The following SPOCK1 variants were observed in gnomAD, a reference collection of about 807,000 sequenced individuals.
SPOCK1 encodes the protein SPARC (osteonectin), cwcv and kazal like domains proteoglycan 1.
A neutral mutation model predicts 55.3 loss-of-function variants in SPOCK1; 23 were observed. That is an observed-to-expected ratio of 0.42 (90% CI 0.30 to 0.59). The LOEUF (loss-of-function observed/expected upper bound fraction) is 0.59, where lower values mean the gene tolerates loss of function less well. SPOCK1 is among the 20% of genes least tolerant of loss of function. SPOCK1 has a pLI of 0.22. For synonymous variants in SPOCK1, 226 were observed against 221.0 expected (o/e 1.02, Z -0.20); for missense variants, 499 against 552.5 (o/e 0.90, Z 0.97).
At chr5:137,402,522 T>C (rs1206178794) in intron 2 of SPOCK1, among the ~76,000 whole-genome samples, 6 of 152,190 alleles carry the variant, frequency 3.9e-5, no homozygotes, top group African/African-American at 1.4e-4. Context: ...CTGAAATTAA[T>C]TCCTTTTAGT....
chr5:137,014,471 A>AT (rs1289687146), intron 6 of SPOCK1, among the ~76,000 whole-genome samples: 3 of 152,162 alleles, frequency 2.0e-5, no homozygotes, highest in Non-Finnish European at 4.4e-5. Context: ...TCACACATAT[A>AT]TCCTTGCTAG....
At chr5:137,242,123 T>G (rs1295858317) in intron 3 of SPOCK1, among the ~76,000 whole-genome samples, 1 of 152,218 alleles carries the variant, frequency 6.6e-6, no homozygotes, top group Non-Finnish European at 1.5e-5. Flanking sequence ...ATCCCAGCAC[T>G]TCAGGAGTCC....
intron 2 of SPOCK1, among the ~76,000 whole-genome samples, chr5:137,295,455 T>C (rs546834777): frequency 1.3e-5 from 2 of 152,332 alleles, no homozygotes; most frequent in Admixed American, 1.3e-4. Flanking sequence ...TCATCAAAAC[T>C]GTTGGATCGA....
At chr5:137,422,145 T>C (rs1260208642) in intron 2 of SPOCK1, among the ~76,000 whole-genome samples, 3 of 152,262 alleles carry the variant, frequency 2.0e-5, no homozygotes, top group African/African-American at 2.4e-5. Flanking sequence ...TTCTGGCTTA[T>C]AGAGTTTCTG....
At chr5:137,206,603 A>G (rs180679724) in intron 3 of SPOCK1, among the ~76,000 whole-genome samples, 2 of 152,288 alleles carry the variant, frequency 1.3e-5, no homozygotes, top group East Asian at 3.9e-4. Context: ...ATATCAACCA[A>G]CTGCTCCTTA....
At chr5:137,289,469 T>C (rs913778463) in intron 2 of SPOCK1, among the ~76,000 whole-genome samples, 1 of 152,146 alleles carries the variant, frequency 6.6e-6, no homozygotes, top group Non-Finnish European at 1.5e-5. Flanking sequence ...GTCTAACATG[T>C]AAGCCAGAGG....
chr5:137,499,183 G>A lies in SPOCK1; in HGVS notation c.-5C>T, dbSNP rs968420767. 6.6e-6 allele frequency: 1 copy of A among 151,992 alleles called. No homozygotes were observed. The highest frequency in any genetic ancestry group is 1.5e-5 in the Non-Finnish European group (1 of 68,018). The allele number at this position is 151,992 out of a possible 1,614,324, so 9.4% of individuals were successfully genotyped here. ...GGGGTTCCTCTGGGCACGTACCTTG[G>A]GGGCCGGCCCGGGTCCCCTAGTCCG... On this transcript the variant is annotated 5_prime_UTR_variant, in exon 1 of 11. Coordinates refer to ENST00000394945, the MANE Select transcript of SPOCK1 (RefSeq NM_004598.4).
intron 2 of SPOCK1, among the ~76,000 whole-genome samples, chr5:137,433,116 T>A (rs901939092): frequency 2.6e-5 from 4 of 152,156 alleles, no homozygotes; most frequent in Non-Finnish European, 4.4e-5. Context: ...AAATGCAGAA[T>A]CTTCAGAGAG....
At chr5:137,107,795 T>C (rs1337880472) in intron 5 of SPOCK1, among the ~76,000 whole-genome samples, 2 of 152,152 alleles carry the variant, frequency 1.3e-5, no homozygotes, top group East Asian at 3.9e-4. Context: ...AGGAAGATGC[T>C]CAGGTTTCTT....
chr5:137,340,953 T>C (rs1217367765), intron 2 of SPOCK1, among the ~76,000 whole-genome samples: 1 of 150,906 alleles, frequency 6.6e-6, no homozygotes. Context: ...CTAGAGCTAA[T>C]AACTGCAGCA....
chr5:137,233,713 C>CTT (rs56328555), intron 3 of SPOCK1, among the ~76,000 whole-genome samples: 2,157 of 58,038 alleles, frequency 0.037, 56 homozygotes, highest in African/African-American at 0.11. Flanking sequence ...AGGATATGCA[C>CTT]TTTTTTTTTT....
intron 2 of SPOCK1, among the ~76,000 whole-genome samples, chr5:137,278,432 T>C (rs929113229): frequency 5.3e-5 from 8 of 152,206 alleles, no homozygotes; most frequent in African/African-American, 1.9e-4. Context: ...TGGACCCACA[T>C]TCCTGAGCCA....
At chr5:137,290,006 C>G (rs909810174) in intron 2 of SPOCK1, among the ~76,000 whole-genome samples, 1 of 152,144 alleles carries the variant, frequency 6.6e-6, no homozygotes, top group African/African-American at 2.4e-5. Context: ...AGGAGGGCAG[C>G]ATTAAAGTGC....
intron 3 of SPOCK1, among the ~76,000 whole-genome samples, chr5:137,228,697 G>T (rs1036937886): frequency 6.6e-6 from 1 of 152,028 alleles, no homozygotes; most frequent in Non-Finnish European, 1.5e-5. Context: ...TCAAAATATT[G>T]CTTGAATGTT....
intron 3 of SPOCK1, among the ~76,000 whole-genome samples, chr5:137,142,734 G>T (rs568463718): frequency 2.6e-5 from 4 of 152,328 alleles, no homozygotes; most frequent in African/African-American, 7.2e-5. Flanking sequence ...GTCTTCCAAG[G>T]CTGGGGCTTC....
intron 2 of SPOCK1, among the ~76,000 whole-genome samples, chr5:137,430,756 C>G (rs915835971): frequency 9.2e-5 from 14 of 152,078 alleles, no homozygotes; most frequent in Admixed American, 5.2e-4. Context: ...AAAAATAAAC[C>G]CTGGATTCCT....
chr5:137,006,367 C>T (rs1751246897), intron 6 of SPOCK1, among the ~76,000 whole-genome samples: 1 of 152,060 alleles, frequency 6.6e-6, no homozygotes, highest in African/African-American at 2.4e-5. Flanking sequence ...TGTTTGTGTC[C>T]TCTCTTATTT....
intron 2 of SPOCK1, among the ~76,000 whole-genome samples, chr5:137,271,696 A>G (rs1164907986): frequency 6.6e-6 from 1 of 152,190 alleles, no homozygotes. Context: ...TGCCTATTTA[A>G]TCTCCAAGGA....
intron 6 of SPOCK1, among the ~76,000 whole-genome samples, chr5:136,996,931 T>C (rs6897141): frequency 0.9 from 136,795 of 152,130 alleles, 61,571 homozygotes; most frequent in African/African-American, 0.94. Flanking sequence ...TAACAATAAA[T>C]CTTGCTACCT....
Sources: gnomAD v4.1 joint callset for allele counts (sites outside exome capture counted in the v4.1 genomes callset) on GRCh38, gnomAD v4.1.1 for gene constraint, MANE v1.5 for transcripts, NCBI Gene and HGNC (gene_info 2026-07-23, HGNC 2026-07-21) for gene names.